Variants in RCAN3 observed in about 807,000 individuals in gnomAD.
RCAN3 encodes the protein regulator of calcineurin 3.
In RCAN3, 19 loss-of-function variants were observed where a neutral mutation model predicts 21.9. That is an observed-to-expected ratio of 0.87 (90% CI 0.61 to 1.27). The LOEUF (loss-of-function observed/expected upper bound fraction) is 1.27, where lower values mean the gene tolerates loss of function less well. Ranked by LOEUF, RCAN3 falls within the 50% of genes most tolerant of loss-of-function variation. The pLI, the probability that RCAN3 is intolerant of heterozygous loss-of-function variation, is 0.00. For missense variants in RCAN3, 240 were observed against 300.1 expected (o/e 0.80, Z 1.48); for synonymous variants, 114 against 112.3 (o/e 1.01, Z -0.09).
At chr1:24,528,286 A>T (rs1649442590) in intron 2 of RCAN3, among the ~76,000 whole-genome samples, 1 of 151,948 alleles carries the variant, frequency 6.6e-6, no homozygotes, top group Non-Finnish European at 1.5e-5. Context: ...GAAAAAGGAA[A>T]TGAACACAGA....
intron 2 of RCAN3, among the ~76,000 whole-genome samples, chr1:24,519,222 T>G (rs539332721): frequency 0.014 from 2,131 of 151,534 alleles, 58 homozygotes; most frequent in African/African-American, 0.048. Flanking sequence ...GATGTTTTTT[T>G]TTTTTTTTTT....
In RCAN3 at chr1:24,508,693, G is replaced by A. The variant is rs998834217; in HGVS notation, c.-60+5543G>A. Among the ~76,000 whole-genome samples, 3 of 152,122 alleles carry A rather than the reference G, an allele frequency of 2.0e-5. 1 individual carries two copies. Among genetic ancestry groups the A allele is most frequent in the Non-Finnish European group, 4.4e-5 (3 of 68,032 alleles). ...GGGTTTCAACTACAGGCTTGTTCGG[G>A]GATATCGCGGGTTTCGTTACAGATA... On this transcript the variant is annotated intron_variant, in intron 1 of 4. Transcript: ENST00000374395.
chr1:24,514,838 G>A (rs1185620127), intron 2 of RCAN3, among the ~76,000 whole-genome samples: 3 of 151,932 alleles, frequency 2.0e-5, no homozygotes, highest in African/African-American at 7.3e-5. Flanking sequence ...GTGTGGTGGT[G>A]CGCGCCTGTA....
At position 24,516,003 on chromosome 1, in the gene RCAN3, C is replaced by T. The variant is rs1250708898; in HGVS notation, c.195+1436C>T. Among the ~76,000 whole-genome samples, 4 of 152,002 alleles carry T rather than the reference C, an allele frequency of 2.6e-5. No individual in the cohort carries two copies. In the East Asian group the frequency reaches 7.7e-4, roughly 29 times the overall value. On this transcript the variant is annotated intron_variant, in intron 2 of 4. Transcript: ENST00000374395. ...ACTAAAAATACAAAAATTAGCTGGG[C>T]GTGGTGGCAGGTGCCTGTAATCCCA...
Position 24,535,316 on chromosome 1 carries a change from C to T in RCAN3, c.*39C>T, listed in dbSNP as rs762309286. The stretch of plus-strand genomic sequence containing the variant: ...GGTGCGAGGCGGCTGCCCTGGTGGG[C>T]TCTGGCCATGGCGCTCTGTGCCTGC... On this transcript the variant is annotated 3_prime_UTR_variant, in exon 5 of 5. Coordinates refer to ENST00000374395, the MANE Select transcript of RCAN3 (RefSeq NM_013441.4). 4.7e-6 allele frequency: 7 copies of T among 1,500,820 alleles called. No individual in the cohort carries two copies. Among genetic ancestry groups the T allele is most frequent in the Admixed American group, 5.0e-5 (2 of 39,662 alleles). 93.0% of individuals were successfully genotyped at this position (1,500,820 alleles called of 1,614,324 possible). A position where few individuals can be genotyped will look rare whatever the true frequency, so the allele number is the denominator to read the frequency against.
At position 24,536,410 on chromosome 1, in the gene RCAN3, T is replaced by C. The variant is rs1557583322; in HGVS notation, c.*1133T>C. On this transcript the variant is annotated 3_prime_UTR_variant, in exon 5 of 5. Coordinates refer to ENST00000374395, the MANE Select transcript of RCAN3 (RefSeq NM_013441.4). The stretch of plus-strand genomic sequence containing the variant: ...TTGTACCCGGATTGCAGTTGGCACT[T>C]TTCCTAAAACAGAATTGTTTCCCAC... 1 of 152,236 alleles carries C rather than the reference T, an allele frequency of 6.6e-6. No individual in the cohort carries two copies. The highest frequency in any genetic ancestry group is 1.5e-5 in the Non-Finnish European group (1 of 68,040). The allele number at this position is 152,236 out of a possible 1,614,324, so 9.4% of individuals were successfully genotyped here.
chr1:24,529,809 C>A (rs751159802), intron 2 of RCAN3, among the ~76,000 whole-genome samples: 11 of 151,452 alleles, frequency 7.3e-5, no homozygotes, highest in Middle Eastern at 3.4e-3. Flanking sequence ...CCTCAGCCTC[C>A]CAAAGTGCTG....
Position 24,503,617 on chromosome 1 carries a change from G to C in RCAN3, c.-60+467G>C, listed in dbSNP as rs188996623. Reference sequence around the variant, plus strand: ...CTAACTTCTTGAAACTTGTCTGTCTGCTTCTGTCCGCCGCCTGGACAGGTA... The same window carrying C: ...CTAACTTCTTGAAACTTGTCTGTCTCCTTCTGTCCGCCGCCTGGACAGGTA... On this transcript the variant is annotated intron_variant, in intron 1 of 4. Coordinates refer to ENST00000374395, the MANE Select transcript of RCAN3 (RefSeq NM_013441.4). Among the ~76,000 whole-genome samples the C allele has an allele frequency of 2.0e-5, 3 of 152,350 alleles. No individual in the cohort carries two copies. In the East Asian group the frequency reaches 5.8e-4, roughly 29 times the overall value.
chr1:24,505,232 CTT>C (rs796980559), intron 1 of RCAN3, among the ~76,000 whole-genome samples: 9 of 65,730 alleles, frequency 1.4e-4, no homozygotes, highest in African/African-American at 3.4e-4. Context: ...TCTCTTTTTT[CTT>C]TTTTTTTTTT....
At chr1:24,532,948 C>CAA (rs756973308) in intron 3 of RCAN3, 135 bp from the exon 4 acceptor site, 2,566 of 92,914 alleles carry the variant, frequency 0.028, 483 homozygotes, top group African/African-American at 0.27. Context: ...GACTCCGTCT[C>CAA]AAAAAAAAAA....
At chr1:24,505,494 A>T (rs1043792625) in intron 1 of RCAN3, among the ~76,000 whole-genome samples, 1 of 151,944 alleles carries the variant, frequency 6.6e-6, no homozygotes, top group Admixed American at 6.6e-5. Flanking sequence ...AAGTGCTGGG[A>T]TTACAGGCAT....
chr1:24,513,814 G>A (rs1245527058), intron 1 of RCAN3, among the ~76,000 whole-genome samples: 1 of 152,202 alleles, frequency 6.6e-6, no homozygotes. Context: ...TCTTTCAAGT[G>A]TATTCAAAAA....
At chr1:24,507,763 C>T (rs1187533360) in intron 1 of RCAN3, 2 of 152,182 alleles carry the variant, frequency 1.3e-5, no homozygotes, top group African/African-American at 4.8e-5. Flanking sequence ...CTGTGGGCCA[C>T]CCAGATAGAT....
intron 2 of RCAN3, among the ~76,000 whole-genome samples, chr1:24,529,804 G>C (rs901727012): frequency 6.6e-6 from 1 of 151,270 alleles, no homozygotes; most frequent in African/African-American, 2.4e-5. Flanking sequence ...GCCTACCTCA[G>C]CCTCCCAAAG....
intron 1 of RCAN3, among the ~76,000 whole-genome samples, chr1:24,510,992 A>G (rs761167670): frequency 2.0e-5 from 3 of 152,168 alleles, no homozygotes; most frequent in Non-Finnish European, 4.4e-5. Flanking sequence ...CACTCAGTAA[A>G]GCAGTTAGAA....
In RCAN3 at chr1:24,535,386, T is replaced by G. The variant is rs1650160322; in HGVS notation, c.*109T>G. 1.6e-6 allele frequency: 2 copies of G among 1,268,232 alleles called. No homozygotes were observed. The highest frequency in any genetic ancestry group is 6.7e-5 in the Admixed American group (2 of 29,828). The allele number at this position is 1,268,232 out of a possible 1,614,324, so 78.6% of individuals were successfully genotyped here. On this transcript the variant is annotated 3_prime_UTR_variant, in exon 5 of 5. Coordinates refer to ENST00000374395, the MANE Select transcript of RCAN3 (RefSeq NM_013441.4). Reference sequence around the variant, plus strand: ...ACAGCATAGGTGAGACTCTGCCGAGTGAGGTATAGGTCTTCTCACCACGCC... The same window carrying G: ...ACAGCATAGGTGAGACTCTGCCGAGGGAGGTATAGGTCTTCTCACCACGCC...
At position 24,539,313 on chromosome 1, in the gene RCAN3, G is replaced by T. The variant is rs755143336; in HGVS notation, c.*4036G>T. On this transcript the variant is annotated 3_prime_UTR_variant, in exon 5 of 5. Coordinates refer to ENST00000374395, the MANE Select transcript of RCAN3 (RefSeq NM_013441.4). ...GTGAATAAGAAAAATCTCATCATTC[G>T]ATGGAAGAGGTGACTTAATAATTTT... 1.3e-5 allele frequency: 2 copies of T among 151,716 alleles called. No individual in the cohort carries two copies. Among genetic ancestry groups the T allele is most frequent in the African/African-American group, 4.8e-5 (2 of 41,288 alleles). The allele number at this position is 151,716 out of a possible 1,614,324, so 9.4% of individuals were successfully genotyped here. A position where few individuals can be genotyped will look rare whatever the true frequency, so the allele number is the denominator to read the frequency against.
chr1:24,504,656 G>A (rs1053662832), intron 1 of RCAN3, among the ~76,000 whole-genome samples: 4 of 152,166 alleles, frequency 2.6e-5, no homozygotes, highest in Non-Finnish European at 5.9e-5. Flanking sequence ...ATAGTGTGAC[G>A]CGGAAATCCA....
intron 3 of RCAN3, 135 bp downstream of exon 3, chr1:24,531,526 A>G: frequency 3.7e-6 from 2 of 542,498 alleles, no homozygotes; most frequent in Non-Finnish European, 5.9e-6. Context: ...AATAATACAA[A>G]AATATTTTCC....
Sources: allele counts gnomAD v4.1 joint callset (sites outside exome capture counted in the v4.1 genomes callset), GRCh38; gene constraint gnomAD v4.1.1; transcripts MANE v1.5; gene names NCBI Gene and HGNC (gene_info 2026-07-23, HGNC 2026-07-21).